Variants in METRNL observed in about 807,000 individuals in gnomAD.
METRNL encodes meteorin like, glial cell differentiation regulator, also known as meteorin-like protein.
METRNL carries 9 observed loss-of-function variants against 17.4 expected under a neutral mutation model. The observed-to-expected ratio is 0.52, with a 90% CI of 0.31 to 0.90. METRNL has a LOEUF of 0.90. Ranked by LOEUF, METRNL falls within the 40% of genes least tolerant of loss-of-function variation. The probability of loss-of-function intolerance (pLI) is 0.05; values close to 1 mark genes in which losing one functional copy is unlikely to be tolerated. For synonymous variants in METRNL, 215 were observed against 199.3 expected (o/e 1.08, Z -0.66); for missense variants, 408 against 430.7 (o/e 0.95, Z 0.47).
At chr17:83,080,058 G>C (rs892477027) in intron 1 of METRNL, 73 bp downstream of exon 1, 1 of 938,618 alleles carries the variant, frequency 1.1e-6, no homozygotes, top group Admixed American at 6.1e-5. Context: ...CCGGCCGAGC[G>C]TGCGGGGGCG....
intron 1 of METRNL, among the ~76,000 whole-genome samples, chr17:83,080,570 C>A (rs1194589960): frequency 7.6e-6 from 1 of 131,560 alleles, no homozygotes; most frequent in Non-Finnish European, 1.7e-5. Context: ...GGGCGACCCC[C>A]CCCCCCCCCA....
At position 83,094,332 on chromosome 17, in the gene METRNL, A is replaced by G; in HGVS notation, c.693A>G (p.Arg231=). Residue 231 remains arginine, a synonymous_variant, in exon 4 of 4, where the codon AGA becomes AGG. Coordinates refer to ENST00000320095, the MANE Select transcript of METRNL (RefSeq NM_001004431.3). ...QDSAIHLRVS[R]LYRQKSRVFE... ...CAGCCATCCACCTGCGCGTGAGCAG[A>G]CTCTATCGGCAGAAAAGCAGGGTCT... 1 of 1,609,026 alleles carries G rather than the reference A, an allele frequency of 6.2e-7. No homozygotes were observed. Among genetic ancestry groups the G allele is most frequent in the Non-Finnish European group, 8.5e-7 (1 of 1,177,286 alleles).
chr17:83,079,921 C>G lies in METRNL; in HGVS notation c.106C>G (p.Leu36Val), dbSNP rs1171320971. 1 of 1,004,702 alleles carries G rather than the reference C, an allele frequency of 1.0e-6. No homozygotes were observed. Among genetic ancestry groups the G allele is most frequent in the African/African-American group, 1.8e-5 (1 of 56,992 alleles). 62.2% of individuals were successfully genotyped at this position (1,004,702 alleles called of 1,614,324 possible). Residue 36 changes from leucine to valine, a missense_variant, in exon 1 of 4, where the codon CTG becomes GTG. Coordinates refer to ENST00000320095, the MANE Select transcript of METRNL (RefSeq NM_001004431.3). The part of the protein sequence containing the change: ...PPPLPLLLLL[L>V]AGLLGGAGAQ... ...GCCGCTCCCGCTGCTGCTCCTGCTC[C>G]TGGCCGGGCTGCTGGGCGGCGCGGG...
chr17:83,080,581 C>A (rs2037973177), intron 1 of METRNL, among the ~76,000 whole-genome samples: 1 of 86,964 alleles, frequency 1.1e-5, no homozygotes, highest in Non-Finnish European at 2.7e-5. Flanking sequence ...CCCCCCCCCA[C>A]CCGCGGTGGC....
intron 1 of METRNL, chr17:83,082,042 G>A (rs766584502): frequency 6.1e-4 from 595 of 983,132 alleles, no homozygotes; most frequent in Admixed American, 1.1e-3. Context: ...TGCATCGACG[G>A]CCTCTGTTGC....
In METRNL at chr17:83,080,018, C is replaced by T. The variant is rs752685554; in HGVS notation, c.170+33C>T. 4.4e-5 allele frequency: 44 copies of T among 1,009,156 alleles called. No individual in the cohort carries two copies. In the Admixed American group the frequency reaches 7.7e-4, roughly 18 times the overall value. The allele number at this position is 1,009,156 out of a possible 1,614,324, so 62.5% of individuals were successfully genotyped here. On this transcript the variant is annotated intron_variant, in intron 1 of 3. Coordinates refer to ENST00000320095, the MANE Select transcript of METRNL (RefSeq NM_001004431.3). ...TGCGCGGCGCGACCCCGGCCCGGCC[C>T]CCTCCCCTCGCGTCCCCTCCCGTCC...
At chr17:83,083,829 C>A (rs940539090) in intron 1 of METRNL, among the ~76,000 whole-genome samples, 1 of 152,224 alleles carries the variant, frequency 6.6e-6, no homozygotes, top group Admixed American at 6.5e-5. Flanking sequence ...AACAGCATTG[C>A]TTATTTCACA....
chr17:83,084,841 A>G, intron 1 of METRNL, 97 bp from the exon 2 acceptor site: 1 of 1,473,156 alleles, frequency 6.8e-7, no homozygotes, highest in Non-Finnish European at 9.1e-7. Context: ...AGCCGCCATC[A>G]TTTGGAGCGG....
At chr17:83,090,245 CTG>C (rs1342464465) in intron 2 of METRNL, among the ~76,000 whole-genome samples, 1 of 55,020 alleles carries the variant, frequency 1.8e-5, no homozygotes, top group African/African-American at 7.2e-5. Context: ...CACCCCCGCC[CTG>C]CCCCAGGGTG....
rs1390701146 is a variant in METRNL at position 83,084,937 on chromosome 17, G to T, written c.171-1G>T. 6.2e-7 allele frequency: 1 copy of T among 1,608,824 alleles called. No individual in the cohort carries two copies. Among genetic ancestry groups the T allele is most frequent in the Non-Finnish European group, 8.5e-7 (1 of 1,177,356 alleles). On this transcript the variant is annotated splice_acceptor_variant, in intron 1 of 3. Transcript: ENST00000320095. LOFTEE classifies it high-confidence loss of function. ...TGGCTGACAGTGTCTCTCCTCTGCA[G>T]CGGGCTGACGCACGAGGCACACAGG...
chr17:83,093,062 C>A, intron 2 of METRNL, 105 bp from the exon 3 acceptor site: 1 of 916,936 alleles, frequency 1.1e-6, no homozygotes, highest in East Asian at 2.6e-5. Context: ...TGGACACCCT[C>A]CCTGACTTGG....
intron 1 of METRNL, chr17:83,082,290 A>T (rs1353908599): frequency 1.0e-6 from 1 of 983,542 alleles, no homozygotes; most frequent in Non-Finnish European, 1.2e-6. Flanking sequence ...ACTTTCATAC[A>T]GGAGCCGGGC....
intron 1 of METRNL, chr17:83,082,077 G>A (rs1349329055): frequency 2.0e-6 from 2 of 985,290 alleles, no homozygotes; most frequent in Non-Finnish European, 2.4e-6. Context: ...AAGCAGTTAA[G>A]TAGGAGATGA....
chr17:83,084,048 C>G (rs2038019750), intron 1 of METRNL: 1 of 152,214 alleles, frequency 6.6e-6, no homozygotes, highest in South Asian at 2.1e-4. Flanking sequence ...CCTGCCTCTC[C>G]AAGAGTGTAG....
chr17:83,083,695 C>T (rs530913734), intron 1 of METRNL, among the ~76,000 whole-genome samples: 12 of 152,182 alleles, frequency 7.9e-5, no homozygotes, highest in Non-Finnish European at 1.8e-4. Flanking sequence ...GGCCTGCAGC[C>T]TATGAAGAGT....
chr17:83,081,667 CA>C (rs926230077), intron 1 of METRNL, among the ~76,000 whole-genome samples: 27 of 148,630 alleles, frequency 1.8e-4, no homozygotes, highest in Admixed American at 3.3e-4. Flanking sequence ...GGGACCCCCC[CA>C]CACACACACA....
chr17:83,094,353 G>T lies in METRNL; in HGVS notation c.714G>T (p.Arg238Ser). 7 of 1,610,676 alleles carry T rather than the reference G, an allele frequency of 4.3e-6. No individual in the cohort carries two copies. The highest frequency in any genetic ancestry group is 5.9e-6 in the Non-Finnish European group (7 of 1,178,420). ...RVSRLYRQKS[R>S]VFEPVPEGDG... is the part of the protein sequence containing the mutation. Reference sequence around the variant, plus strand: ...GCAGACTCTATCGGCAGAAAAGCAGGGTCTTCGAGCCGGTGCCCGAGGGTG... The same window carrying T: ...GCAGACTCTATCGGCAGAAAAGCAGTGTCTTCGAGCCGGTGCCCGAGGGTG... Residue 238 changes from arginine (R) to serine (S), a missense_variant, in exon 4 of 4, where the codon AGG (arginine) becomes AGT (serine). Transcript: ENST00000320095.
At position 83,085,248 on chromosome 17, in the gene METRNL, A is replaced by G. The variant is rs2143623628; in HGVS notation, c.481A>G (p.Ile161Val). 6.3e-7 allele frequency: 1 copy of G among 1,578,054 alleles called. No homozygotes were observed. The highest frequency in any genetic ancestry group is 8.6e-7 in the Non-Finnish European group (1 of 1,160,620). Residue 161 changes from isoleucine to valine, a missense_variant, in exon 2 of 4, where the codon ATC becomes GTC. Physicochemically the swap from Ile to Val is conservative, Grantham distance 29 (BLOSUM62 3). Transcript: ENST00000320095. The part of the protein sequence containing the change: ...LFVEATPQQD[I>V]GRRTTGFQYE... ...CGTGGAGGCCACGCCGCAGCAGGAT[A>G]TCGGCCGGAGGACCACAGGCTTCCA...
Position 83,085,004 on chromosome 17 carries a change from C to G in METRNL, c.237C>G (p.Ala79=), listed in dbSNP as rs757845671. Residue 79 remains alanine, a synonymous_variant, in exon 2 of 4, where the codon GCC becomes GCG. Coordinates refer to ENST00000320095, the MANE Select transcript of METRNL (RefSeq NM_001004431.3). Reference sequence around the variant, plus strand: ...TGTATCTGCGCTGTGCGGCGGGTGCCGTGGAGTGGATGTACCCAACAGGTG... The same window carrying G: ...TGTATCTGCGCTGTGCGGCGGGTGCGGTGGAGTGGATGTACCCAACAGGTG... ...EQVYLRCAAG[A]VEWMYPTGAL... 6.2e-7 allele frequency: 1 copy of G among 1,613,620 alleles called. No homozygotes were observed. Among genetic ancestry groups the G allele is most frequent in the South Asian group, 1.1e-5 (1 of 91,086 alleles).
Sources: gnomAD v4.1 joint callset for allele counts (sites outside exome capture counted in the v4.1 genomes callset) on GRCh38, gnomAD v4.1.1 for gene constraint, MANE v1.5 for transcripts, NCBI Gene and HGNC (gene_info 2026-07-23, HGNC 2026-07-21) for gene names.